NEBL: variants seen among roughly 807,000 people sequenced by gnomAD.
The protein encoded by NEBL is nebulette.
A neutral mutation model predicts 140.2 loss-of-function variants in NEBL; 122 were observed. That is an observed-to-expected ratio of 0.87 (90% CI 0.75 to 1.01). The LOEUF is 1.01. Ranked by LOEUF, NEBL falls within the 50% of genes least tolerant of loss-of-function variation. NEBL has a pLI of 0.00. For synonymous variants in NEBL, 436 were observed against 398.9 expected (o/e 1.09, Z -1.11); for missense variants, 1,365 against 1,231.3 (o/e 1.11, Z -1.62).
intron 5 of NEBL, 106 bp from the exon 6 acceptor site, chr10:20,869,947 G>C (rs1287287249): frequency 1.5e-5 from 12 of 814,294 alleles, no homozygotes; most frequent in Middle Eastern, 2.3e-4. Flanking sequence ...ATAGCTTAGA[G>C]AGCCTACTGA....
chr10:21,127,733 T>C (rs1441353555), intron 2 of NEBL, among the ~76,000 whole-genome samples: 2 of 151,808 alleles, frequency 1.3e-5, no homozygotes. Flanking sequence ...CTGCAACAAA[T>C]AAAGGGAATT....
intron 22 of NEBL, among the ~76,000 whole-genome samples, chr10:20,815,022 C>T (rs1342968991): frequency 6.6e-6 from 1 of 152,132 alleles, no homozygotes; most frequent in Non-Finnish European, 1.5e-5. Flanking sequence ...ATTTATGAAA[C>T]TGATTAGGTG....
chr10:20,985,381 T>C (rs898301113), intron 3 of NEBL, among the ~76,000 whole-genome samples: 3 of 152,176 alleles, frequency 2.0e-5, no homozygotes, highest in Non-Finnish European at 4.4e-5. Flanking sequence ...GAAACCTCCT[T>C]TACCCACTCA....
At chr10:20,957,127 C>T (rs1165953616) in intron 4 of NEBL, among the ~76,000 whole-genome samples, 6 of 152,166 alleles carry the variant, frequency 3.9e-5, no homozygotes, top group African/African-American at 1.4e-4. Context: ...AACTTTGAAT[C>T]AAATCTTTTA....
intron 4 of NEBL, among the ~76,000 whole-genome samples, chr10:20,955,586 T>A (rs1487181159): frequency 6.6e-6 from 1 of 152,176 alleles, no homozygotes; most frequent in Non-Finnish European, 1.5e-5. Flanking sequence ...GAGCAGATTG[T>A]GGAGGGTCCT....
chr10:21,250,927 G>T (rs1842580566), intron 2 of NEBL, among the ~76,000 whole-genome samples: 1 of 152,018 alleles, frequency 6.6e-6, no homozygotes, highest in South Asian at 2.1e-4. Flanking sequence ...TGGCAATATG[G>T]TATGTTTCTT....
intron 1 of NEBL, among the ~76,000 whole-genome samples, chr10:21,266,671 T>C (rs969987998): frequency 1.3e-5 from 2 of 152,250 alleles, no homozygotes; most frequent in East Asian, 3.9e-4. Context: ...TTCAGATGCC[T>C]GTGTCTCTTT....
At chr10:21,231,538 CAA>C (rs201224705) in intron 3 of NEBL, among the ~76,000 whole-genome samples, 17 of 144,082 alleles carry the variant, frequency 1.2e-4, no homozygotes, top group African/African-American at 4.1e-4. Flanking sequence ...GACTCTGTCT[CAA>C]AAAAAAACAA....
At chr10:21,203,143 T>C (rs1841768477) in intron 3 of NEBL, among the ~76,000 whole-genome samples, 1 of 152,248 alleles carries the variant, frequency 6.6e-6, no homozygotes, top group South Asian at 2.1e-4. Context: ...TTTTTAAAAA[T>C]CAGCCTTTAT....
intron 3 of NEBL, among the ~76,000 whole-genome samples, chr10:20,985,071 A>G (rs1165545945): frequency 2.0e-5 from 3 of 152,216 alleles, no homozygotes; most frequent in African/African-American, 7.2e-5. Context: ...CTGATTCTAC[A>G]TGATGCTGAG....
At chr10:21,240,679 A>C (rs1842427002) in intron 3 of NEBL, among the ~76,000 whole-genome samples, 1 of 152,182 alleles carries the variant, frequency 6.6e-6, no homozygotes, top group Admixed American at 6.5e-5. Context: ...TAATATCGTT[A>C]CAAGTTATTC....
intron 12 of NEBL, among the ~76,000 whole-genome samples, chr10:20,843,225 C>T (rs528251967): frequency 9.2e-5 from 14 of 152,140 alleles, no homozygotes; most frequent in Non-Finnish European, 1.8e-4. Context: ...TGTCTGCAAG[C>T]CGGTAAGAGG....
chr10:21,132,433 T>C (rs73609203), intron 2 of NEBL, among the ~76,000 whole-genome samples: 4,581 of 152,320 alleles, frequency 0.03, 239 homozygotes, highest in African/African-American at 0.1. Flanking sequence ...TTATGCATAA[T>C]GCTTCTGTGA....
At chr10:21,128,180 A>G (rs1838925821) in intron 2 of NEBL, among the ~76,000 whole-genome samples, 1 of 152,214 alleles carries the variant, frequency 6.6e-6, no homozygotes, top group South Asian at 2.1e-4. Flanking sequence ...CTTAAAAAAG[A>G]GCAACACCAA....
At chr10:21,034,167 GAAAAAAAAAAA>G (rs964552949) in intron 2 of NEBL, among the ~76,000 whole-genome samples, 1 of 33,506 alleles carries the variant, frequency 3.0e-5, no homozygotes, top group South Asian at 1.2e-3. Flanking sequence ...ACCCTATCTC[GAAAAAAAAAAA>G]AAAAAAAAAA....
At chr10:20,827,189 G>C (rs1300979322) in intron 17 of NEBL, among the ~76,000 whole-genome samples, 1 of 152,122 alleles carries the variant, frequency 6.6e-6, no homozygotes, top group Non-Finnish European at 1.5e-5. Flanking sequence ...TATAAGAAAG[G>C]TAAATGAGGA....
At chr10:21,226,861 C>T (rs142155552) in intron 3 of NEBL, among the ~76,000 whole-genome samples, 2,597 of 152,158 alleles carry the variant, frequency 0.017, 37 homozygotes, top group Middle Eastern at 0.044. Context: ...ACTTTTAGGT[C>T]CTATGCTTTT....
intron 2 of NEBL, among the ~76,000 whole-genome samples, chr10:21,154,094 G>A (rs945918840): frequency 2.0e-5 from 3 of 151,950 alleles, no homozygotes; most frequent in Non-Finnish European, 2.9e-5. Context: ...GTTCAGAAAG[G>A]AACTTCTCAT....
intron 4 of NEBL, among the ~76,000 whole-genome samples, chr10:20,924,767 TC>T (rs1387427225): frequency 6.6e-6 from 1 of 151,994 alleles, no homozygotes; most frequent in Non-Finnish European, 1.5e-5. Flanking sequence ...CTGTAGAGCT[TC>T]CCCCATAGAA....
Sources: gnomAD v4.1 joint callset for allele counts (sites outside exome capture counted in the v4.1 genomes callset) on GRCh38, gnomAD v4.1.1 for gene constraint, MANE v1.5 for transcripts, NCBI Gene and HGNC (gene_info 2026-07-23, HGNC 2026-07-21) for gene names.